Variants in SLC1A7 observed in about 807,000 individuals in gnomAD.
SLC1A7 encodes the protein excitatory amino acid transporter 5.
SLC1A7 carries 40 observed loss-of-function variants against 47.7 expected under a neutral mutation model. That is an observed-to-expected ratio of 0.84 (90% CI 0.65 to 1.09). SLC1A7 has a LOEUF of 1.09. Among genes scored for constraint, SLC1A7 ranks in the 50% least tolerant of loss-of-function variants. The probability of loss-of-function intolerance (pLI) is 0.00; values close to 1 mark genes in which losing one functional copy is unlikely to be tolerated. For missense variants in SLC1A7, 746 were observed against 769.5 expected (o/e 0.97, Z 0.36); for synonymous variants, 323 against 325.6 (o/e 0.99, Z 0.09).
At chr1:53,097,968 A>T in intron 5 of SLC1A7, among the ~76,000 whole-genome samples, 1 of 146,358 alleles carries the variant, frequency 6.8e-6, no homozygotes, top group South Asian at 2.2e-4. Context: ...CGGTACACTC[A>T]CACACCACAA....
chr1:53,097,737 G>A (rs548742201), intron 5 of SLC1A7, among the ~76,000 whole-genome samples: 66 of 128,214 alleles, frequency 5.1e-4, no homozygotes, highest in African/African-American at 1.9e-3. Context: ...CCTTGGTACA[G>A]TCACACACAG....
At chr1:53,103,717 G>C in intron 4 of SLC1A7, 149 bp from the exon 5 acceptor site, 1 of 552,600 alleles carries the variant, frequency 1.8e-6, no homozygotes, top group Admixed American at 3.6e-5. Flanking sequence ...GCAGAGCAGG[G>C]ATTGCTATCA....
chr1:53,092,924 C>G (rs566252656), intron 6 of SLC1A7, 137 bp from the exon 7 acceptor site: 8 of 635,720 alleles, frequency 1.3e-5, no homozygotes, highest in Non-Finnish European at 2.0e-5. Context: ...CCAAGGTGCC[C>G]GGCCCAGGCT....
chr1:53,111,438 C>A (rs1239531090), intron 3 of SLC1A7, among the ~76,000 whole-genome samples: 1 of 152,102 alleles, frequency 6.6e-6, no homozygotes, highest in Admixed American at 6.6e-5. Flanking sequence ...GAAAAGGATG[C>A]CTCTGGCTGC....
intron 2 of SLC1A7, among the ~76,000 whole-genome samples, chr1:53,120,735 C>T (rs1418122222): frequency 5.3e-5 from 8 of 152,234 alleles, no homozygotes; most frequent in Non-Finnish European, 1.0e-4. Flanking sequence ...GGGCTCAACC[C>T]GAATCCCCAG....
At chr1:53,112,940 C>T (rs935420883) in intron 3 of SLC1A7, among the ~76,000 whole-genome samples, 1 of 151,974 alleles carries the variant, frequency 6.6e-6, no homozygotes, top group South Asian at 2.1e-4. Context: ...CCTGCTCCAG[C>T]TCACCCCTCT....
At chr1:53,105,936 G>A (rs182492687) in intron 3 of SLC1A7, among the ~76,000 whole-genome samples, 162 bp from the exon 4 acceptor site, 116 of 152,148 alleles carry the variant, frequency 7.6e-4, no homozygotes, top group African/African-American at 1.1e-3. Context: ...ACTCCACAGC[G>A]CCAGCACCTG....
intron 5 of SLC1A7, among the ~76,000 whole-genome samples, chr1:53,099,528 T>TCA (rs939182629): frequency 8.9e-6 from 1 of 111,784 alleles, no homozygotes; most frequent in African/African-American, 3.4e-5. Context: ...CTTGGTACAC[T>TCA]CACACACCCC....
chr1:53,119,202 C>A (rs1025836296), intron 2 of SLC1A7, among the ~76,000 whole-genome samples: 1 of 152,152 alleles, frequency 6.6e-6, no homozygotes, highest in Non-Finnish European at 1.5e-5. Flanking sequence ...CCAGGCCCTC[C>A]AGTTGGTGAA....
intron 3 of SLC1A7, among the ~76,000 whole-genome samples, chr1:53,111,707 T>C (rs1436812774): frequency 6.6e-6 from 1 of 152,148 alleles, no homozygotes; most frequent in Non-Finnish European, 1.5e-5. Flanking sequence ...CCTGTTAATT[T>C]TGAGATACCT....
chr1:53,108,060 A>G (rs1173979147), intron 3 of SLC1A7: 1 of 155,456 alleles, frequency 6.4e-6, no homozygotes, highest in Non-Finnish European at 1.4e-5. Context: ...TGGTCCTGGC[A>G]GCAACCTTTC....
At chr1:53,096,525 C>G (rs1644493223) in intron 5 of SLC1A7, among the ~76,000 whole-genome samples, 1 of 151,040 alleles carries the variant, frequency 6.6e-6, no homozygotes, top group African/African-American at 2.4e-5. Flanking sequence ...CGCACATAAA[C>G]CCCAGCTCAG....
At chr1:53,102,700 T>G (rs1179655403) in intron 5 of SLC1A7, 2 of 152,358 alleles carry the variant, frequency 1.3e-5, no homozygotes, top group Non-Finnish European at 2.9e-5. Context: ...TCTAGGCAGC[T>G]TTCACAGGAA....
Position 53,089,870 on chromosome 1 carries a change from C to T in SLC1A7, c.1291G>A (p.Val431Ile), listed in dbSNP as rs1644400434. The part of the protein sequence containing the change: ...GIPQAGLVTM[V>I]IVLTSVGLPT... ...AGTCCCACGGAGGTGAGCACGATGACCATGGTGACGAGGCCGGCCTGGGGG... is the reference window on the plus strand; with the variant it reads ...AGTCCCACGGAGGTGAGCACGATGATCATGGTGACGAGGCCGGCCTGGGGG... Residue 431 changes from valine (V) to isoleucine (I), a missense_variant, in exon 9 of 11, where the codon GTC becomes ATC. By Grantham distance (29) the Val-to-Ile change is conservative. Coordinates refer to ENST00000371494, the MANE Select transcript of SLC1A7 (RefSeq NM_006671.6). 6.2e-7 allele frequency: 1 copy of T among 1,613,932 alleles called. No homozygotes were observed. The highest frequency in any genetic ancestry group is 8.5e-7 in the Non-Finnish European group (1 of 1,179,986).
chr1:53,104,569 A>G (rs1260087211), intron 4 of SLC1A7, among the ~76,000 whole-genome samples: 2 of 152,226 alleles, frequency 1.3e-5, no homozygotes. Context: ...CTTTCTCTTT[A>G]TCTCTCACAC....
chr1:53,093,358 G>A (rs753331120), intron 6 of SLC1A7, 103 bp downstream of exon 6: 2 of 951,152 alleles, frequency 2.1e-6, no homozygotes, highest in East Asian at 5.2e-5. Context: ...CTGAGCCTGG[G>A]CACAGCTTTC....
At chr1:53,092,457 TTGG>T (rs1644432798) in intron 7 of SLC1A7, 94 bp downstream of exon 7, 1 of 881,742 alleles carries the variant, frequency 1.1e-6, no homozygotes, top group Non-Finnish European at 1.8e-6. Flanking sequence ...CACTGGCGTT[TTGG>T]TGGTTCTGTG....
intron 3 of SLC1A7, among the ~76,000 whole-genome samples, chr1:53,110,595 T>C (rs1216637947): frequency 1.3e-5 from 2 of 152,156 alleles, no homozygotes; most frequent in African/African-American, 4.8e-5. Flanking sequence ...GGGCAGGCAG[T>C]GGTGAAGGAG....
At chr1:53,113,699 C>T (rs532374029) in intron 3 of SLC1A7, among the ~76,000 whole-genome samples, 1 of 152,218 alleles carries the variant, frequency 6.6e-6, no homozygotes, top group East Asian at 1.9e-4. Context: ...TGGATCATGC[C>T]GCTTCTCTGT....
Sources: allele counts gnomAD v4.1 joint callset (sites outside exome capture counted in the v4.1 genomes callset), GRCh38; gene constraint gnomAD v4.1.1; transcripts MANE v1.5; gene names NCBI Gene and HGNC (gene_info 2026-07-23, HGNC 2026-07-21).